Variants in UBAC2 observed in about 807,000 individuals in gnomAD.
UBAC2 encodes the protein UBA domain containing 2, also known as ubiquitin-associated domain-containing protein 2.
A neutral mutation model predicts 44.0 loss-of-function variants in UBAC2; 26 were observed. The ratio of observed to expected loss-of-function variants is 0.59; its 90% confidence interval spans 0.43 to 0.82. The LOEUF (loss-of-function observed/expected upper bound fraction) is 0.82. UBAC2 is among the 40% of genes least tolerant of loss of function. The probability of loss-of-function intolerance (pLI) is 0.00; values close to 1 mark genes in which losing one functional copy is unlikely to be tolerated. For synonymous variants in UBAC2, 155 were observed against 154.3 expected (o/e 1.00, Z -0.04); for missense variants, 329 against 419.4 (o/e 0.78, Z 1.88).
intron 7 of UBAC2, among the ~76,000 whole-genome samples, chr13:99,366,685 C>T (rs186313946): frequency 6.6e-6 from 1 of 152,114 alleles, no homozygotes; most frequent in East Asian, 1.9e-4. Flanking sequence ...TATCTTTAGA[C>T]AGATAATTGA....
chr13:99,205,365 T>C (rs774989675), intron 1 of UBAC2, among the ~76,000 whole-genome samples: 1 of 152,114 alleles, frequency 6.6e-6, no homozygotes, highest in Admixed American at 6.5e-5. Context: ...TTCTCATTGC[T>C]GTAGGAGGGA....
chr13:99,254,450 A>G (rs2043503682), intron 4 of UBAC2, among the ~76,000 whole-genome samples: 2 of 152,198 alleles, frequency 1.3e-5, no homozygotes, highest in Admixed American at 6.5e-5. Flanking sequence ...TGAGTTCAAC[A>G]TAATTTCTTA....
At chr13:99,216,737 G>C (rs1420787544) in intron 1 of UBAC2, among the ~76,000 whole-genome samples, 1 of 152,140 alleles carries the variant, frequency 6.6e-6, no homozygotes, top group Admixed American at 6.5e-5. Context: ...GGAAGGGCGG[G>C]AACGTGGACA....
At chr13:99,323,611 G>A (rs1179088860) in intron 6 of UBAC2, among the ~76,000 whole-genome samples, 2 of 152,182 alleles carry the variant, frequency 1.3e-5, no homozygotes, top group Non-Finnish European at 2.9e-5. Flanking sequence ...GTCAGTGCTT[G>A]TCCAATGTAC....
At chr13:99,213,300 C>T (rs1324998824) in intron 1 of UBAC2, among the ~76,000 whole-genome samples, 4 of 151,234 alleles carry the variant, frequency 2.6e-5, no homozygotes, top group Non-Finnish European at 5.9e-5. Flanking sequence ...GGTGATCTGC[C>T]TTTCTTGGCC....
chr13:99,255,676 A>G (rs1368182355), intron 4 of UBAC2: 4 of 1,613,936 alleles, frequency 2.5e-6, no homozygotes, highest in Non-Finnish European at 3.4e-6. Flanking sequence ...CAAGTCCACT[A>G]ATGCCACATT....
rs555153650 is a variant in UBAC2, at chr13:99,226,971, G to A, written c.32-11456G>A. Among the ~76,000 whole-genome samples, 5 of 152,254 alleles carry A rather than the reference G, an allele frequency of 3.3e-5. No individual in the cohort carries two copies. The East Asian group carries it at 9.6e-4, about 29-fold the overall frequency. ...CCCAGCACTTTGGGAGGCCAAGGAG[G>A]GTGGATCACCTGAGGCCAGGAGTTC... On this transcript the variant is annotated intron_variant, in intron 1 of 8. Transcript: ENST00000403766.
chr13:99,346,503 C>T (rs1374046472), intron 7 of UBAC2, among the ~76,000 whole-genome samples: 3 of 152,220 alleles, frequency 2.0e-5, no homozygotes, highest in Admixed American at 2.0e-4. Flanking sequence ...CCAGCCATGC[C>T]TCACCGGGTT....
At chr13:99,310,842 A>G (rs919030473) in intron 4 of UBAC2, among the ~76,000 whole-genome samples, 1 of 152,222 alleles carries the variant, frequency 6.6e-6, no homozygotes, top group African/African-American at 2.4e-5. Context: ...TTTATTACTA[A>G]ATGTAAACAG....
intron 4 of UBAC2, among the ~76,000 whole-genome samples, chr13:99,306,313 A>G (rs1234562646): frequency 1.3e-5 from 2 of 152,182 alleles, no homozygotes; most frequent in Non-Finnish European, 2.9e-5. Flanking sequence ...AGCACTTATA[A>G]TGAGAGGCAA....
intron 1 of UBAC2, among the ~76,000 whole-genome samples, chr13:99,214,983 T>C (rs1293085777): frequency 3.9e-5 from 6 of 151,900 alleles, no homozygotes; most frequent in Non-Finnish European, 1.5e-5. Flanking sequence ...GTTCTTTTCT[T>C]TTTGTTTTTT....
In UBAC2 at chr13:99,340,448, A is replaced by G; in HGVS notation, c.690A>G (p.Glu230=). 1 of 1,614,226 alleles carries G rather than the reference A, an allele frequency of 6.2e-7. No homozygotes were observed. Among genetic ancestry groups the G allele is most frequent in the Non-Finnish European group, 8.5e-7 (1 of 1,180,038 alleles). Residue 230 remains glutamate (E), a synonymous_variant, in exon 7 of 9, where the codon GAA becomes GAG. Coordinates refer to ENST00000403766, the MANE Select transcript of UBAC2 (RefSeq NM_001144072.2). ...TCTCTTCTTCAGAACCCACCAGCGA[A>G]GCCAGAATTGGGATGGGAGCCACGC... ...PIFSSSEPTS[E]ARIGMGATLD...
At chr13:99,327,061 T>C (rs2044649480) in intron 6 of UBAC2, among the ~76,000 whole-genome samples, 1 of 152,204 alleles carries the variant, frequency 6.6e-6, no homozygotes, top group South Asian at 2.1e-4. Context: ...CCTATAGCTA[T>C]GCTTTCTCTT....
Position 99,295,384 on chromosome 13 carries a change from A to C in UBAC2, c.390-18713A>C, listed in dbSNP as rs2044154243. On this transcript the variant is annotated intron_variant, in intron 4 of 8. Transcript: ENST00000403766. The surrounding 1 kb of genome is among the most constrained non-coding windows in gnomAD (Gnocchi z 4.1). ...CAACATGGTAAGGTGTGAAACAGAG[A>C]ACAAACACAACAATAATAAGAATAA... The C allele has an allele frequency of 6.2e-7, 1 of 1,614,014 alleles. No individual in the cohort carries two copies.
chr13:99,279,282 A>C (rs1680191517), intron 4 of UBAC2, among the ~76,000 whole-genome samples: 1 of 152,184 alleles, frequency 6.6e-6, no homozygotes, highest in African/African-American at 2.4e-5. Context: ...GATTGCACAG[A>C]GCAAAGTTGA....
intron 7 of UBAC2, among the ~76,000 whole-genome samples, chr13:99,346,037 AGCC>A (rs756221929): frequency 6.6e-6 from 1 of 152,164 alleles, no homozygotes; most frequent in Non-Finnish European, 1.5e-5. Context: ...CACCGCACAC[AGCC>A]GACATGTACT....
chr13:99,303,165 T>C lies in UBAC2; in HGVS notation c.390-10932T>C, dbSNP rs117075673. 1.8e-4 allele frequency among the ~76,000 whole-genome samples: 27 copies of C among 152,342 alleles called. No homozygotes were observed. In the East Asian group the frequency reaches 5.2e-3, roughly 29 times the overall value. On this transcript the variant is annotated intron_variant, in intron 4 of 8. Transcript: ENST00000403766. ...CCCAATAGATCTGCGAAAGGCCATT[T>C]ATAGGACCAAGTACAGAGAACTTCT...
intron 6 of UBAC2, 95 bp from the exon 7 acceptor site, chr13:99,340,225 G>A (rs898507768): frequency 2.3e-5 from 32 of 1,367,726 alleles, no homozygotes; most frequent in South Asian, 8.1e-5. Context: ...GAAAAATACC[G>A]TGTGCAGTGT....
rs193227122 is a variant in UBAC2 at position 99,329,995 on chromosome 13, C to T, written c.562-10325C>T. On this transcript the variant is annotated intron_variant, in intron 6 of 8. Coordinates refer to ENST00000403766, the MANE Select transcript of UBAC2 (RefSeq NM_001144072.2). ...AATGCACGAACGTGATAAGTCTCTACGTTTATTTAGCTCTTCTTTAATTCC... is the reference window on the plus strand; with the variant it reads ...AATGCACGAACGTGATAAGTCTCTATGTTTATTTAGCTCTTCTTTAATTCC... Among the ~76,000 whole-genome samples, 445 of 152,296 alleles carry T rather than the reference C, an allele frequency of 2.9e-3. 4 individuals carry two copies. In the Middle Eastern group the frequency reaches 0.037, roughly 13 times the overall value.
Sources: gnomAD v4.1 joint callset for allele counts (sites outside exome capture counted in the v4.1 genomes callset) on GRCh38, gnomAD v4.1.1 for gene constraint, Gnocchi (gnomAD v3.1) non-coding constraint, MANE v1.5 for transcripts, NCBI Gene and HGNC (gene_info 2026-07-23, HGNC 2026-07-21) for gene names.